Variants in PRKG1 observed in about 807,000 individuals in gnomAD.
PRKG1 encodes the protein protein kinase cGMP-dependent 1.
PRKG1 carries 35 observed loss-of-function variants against 88.1 expected under a neutral mutation model. The ratio of observed to expected loss-of-function variants is 0.40; its 90% CI spans 0.30 to 0.53. The LOEUF (loss-of-function observed/expected upper bound fraction) is 0.53, where lower values mean the gene tolerates loss of function less well. Ranked by LOEUF, PRKG1 falls within the 20% of genes least tolerant of loss-of-function variation. PRKG1 has a pLI of 0.59. For missense variants in PRKG1, 540 were observed against 839.8 expected, an observed-to-expected ratio of 0.64 and a Z score of 4.41; for synonymous variants, 303 against 292.5, an observed-to-expected ratio of 1.04 and a Z score of -0.37.
chr10:51,377,836 T>A (rs1265608568), intron 2 of PRKG1, among the ~76,000 whole-genome samples: 1 of 152,312 alleles, frequency 6.6e-6, no homozygotes, highest in Non-Finnish European at 1.5e-5. Flanking sequence ...TGCTTACACC[T>A]TGCCTCCTTT....
At chr10:52,045,054 T>C (rs974534251) in intron 5 of PRKG1, among the ~76,000 whole-genome samples, 6 of 152,184 alleles carry the variant, frequency 3.9e-5, no homozygotes, top group Non-Finnish European at 7.4e-5. Flanking sequence ...ATTAATTTTC[T>C]AAATTGTTTA....
At chr10:51,172,644 GTATGTATCTATC>G (rs1468953403) in intron 2 of PRKG1, among the ~76,000 whole-genome samples, 12,602 of 118,112 alleles carry the variant, frequency 0.11, 655 homozygotes, top group East Asian at 0.17. Context: ...ATGTATGTAT[GTATGTATCTATC>G]TATCTATCTA....
chr10:51,255,712 C>G (rs527287578), intron 2 of PRKG1, among the ~76,000 whole-genome samples: 1 of 152,182 alleles, frequency 6.6e-6, no homozygotes, highest in African/African-American at 2.4e-5. Context: ...AGCTGAGGCA[C>G]TTTTATTAAA....
At chr10:51,757,528 C>G (rs1412132419) in intron 3 of PRKG1, among the ~76,000 whole-genome samples, 1 of 152,106 alleles carries the variant, frequency 6.6e-6, no homozygotes, top group African/African-American at 2.4e-5. Context: ...GTAATGCTTT[C>G]AATACTAAGG....
At chr10:51,620,983 A>ATGTGTGTGTGTG (rs1314158540) in intron 3 of PRKG1, among the ~76,000 whole-genome samples, 1 of 116,624 alleles carries the variant, frequency 8.6e-6, no homozygotes, top group Non-Finnish European at 1.9e-5. Context: ...CCGTATATGT[A>ATGTGTGTGTGTG]TGTGTGTGTG....
At chr10:51,822,001 T>G (rs912278109) in intron 4 of PRKG1, among the ~76,000 whole-genome samples, 10 of 152,228 alleles carry the variant, frequency 6.6e-5, no homozygotes, top group Non-Finnish European at 1.5e-4. Flanking sequence ...ATATCTGCAC[T>G]CCATATTTAC....
At chr10:51,882,788 C>T (rs1411706825) in intron 4 of PRKG1, among the ~76,000 whole-genome samples, 1 of 152,178 alleles carries the variant, frequency 6.6e-6, no homozygotes, top group Non-Finnish European at 1.5e-5. Flanking sequence ...TGCCAATAGA[C>T]TTCTGGTAGC....
At chr10:51,802,180 A>T (rs1480388530) in intron 3 of PRKG1, among the ~76,000 whole-genome samples, 1 of 152,182 alleles carries the variant, frequency 6.6e-6, no homozygotes, top group Non-Finnish European at 1.5e-5. Flanking sequence ...TATTTTTGAT[A>T]ATAAGTCAAG....
intron 1 of PRKG1, among the ~76,000 whole-genome samples, chr10:51,106,647 A>G (rs1015702513): frequency 6.6e-5 from 10 of 152,206 alleles, no homozygotes; most frequent in Admixed American, 6.5e-4. Context: ...AAAAGTGAGC[A>G]TGAATCCCCA....
chr10:52,063,810 T>C (rs908476177), intron 7 of PRKG1, among the ~76,000 whole-genome samples: 40 of 152,040 alleles, frequency 2.6e-4, no homozygotes, highest in Middle Eastern at 6.8e-3. Flanking sequence ...GTAGCTCCTC[T>C]CTGCAGCTGG....
chr10:52,276,598 C>A (rs550539387), intron 12 of PRKG1, among the ~76,000 whole-genome samples: 4 of 152,192 alleles, frequency 2.6e-5, no homozygotes, highest in African/African-American at 7.2e-5. Flanking sequence ...AACCACCCAT[C>A]CCCAAAGAGG....
intron 2 of PRKG1, among the ~76,000 whole-genome samples, chr10:51,453,608 GTA>G (rs1454885418): frequency 6.6e-6 from 1 of 151,896 alleles, no homozygotes; most frequent in Admixed American, 6.6e-5. Context: ...CCATGTATTT[GTA>G]TAGTTTTGAG....
At chr10:51,418,437 T>C (rs1377790546) in intron 2 of PRKG1, among the ~76,000 whole-genome samples, 1 of 152,196 alleles carries the variant, frequency 6.6e-6, no homozygotes, top group Non-Finnish European at 1.5e-5. Context: ...CATTCATTAC[T>C]ACCCTGTAAC....
intron 5 of PRKG1, among the ~76,000 whole-genome samples, chr10:51,945,702 CCTT>C (rs1394697576): frequency 6.7e-6 from 1 of 149,708 alleles, no homozygotes; most frequent in African/African-American, 2.5e-5. Flanking sequence ...TTTTATTTCT[CCTT>C]CACTTATGAA....
At chr10:51,316,274 T>A (rs2132499269) in intron 2 of PRKG1, among the ~76,000 whole-genome samples, 1 of 152,292 alleles carries the variant, frequency 6.6e-6, no homozygotes, top group East Asian at 1.9e-4. Flanking sequence ...AGTAAAGAAA[T>A]AATTATGATA....
At chr10:51,388,631 A>G (rs537226882) in intron 2 of PRKG1, among the ~76,000 whole-genome samples, 39 of 152,334 alleles carry the variant, frequency 2.6e-4, no homozygotes, top group Non-Finnish European at 3.2e-4. Context: ...TGTCTTTCCA[A>G]TTAAATTCTC....
intron 9 of PRKG1, among the ~76,000 whole-genome samples, chr10:52,247,186 T>A (rs1841046975): frequency 6.6e-6 from 1 of 152,108 alleles, no homozygotes; most frequent in Non-Finnish European, 1.5e-5. Flanking sequence ...CAATAATAAT[T>A]TTTTTAAAAA....
chr10:51,350,679 TAA>T (rs1842221035), intron 2 of PRKG1, among the ~76,000 whole-genome samples: 1 of 152,186 alleles, frequency 6.6e-6, no homozygotes, highest in South Asian at 2.1e-4. Context: ...TGGAAAAACC[TAA>T]AGACTCTACA....
intron 3 of PRKG1, among the ~76,000 whole-genome samples, chr10:51,609,067 AGTTT>A (rs1303254025): frequency 6.6e-6 from 1 of 151,952 alleles, no homozygotes; most frequent in African/African-American, 2.4e-5. Flanking sequence ...AGCTAAGGTT[AGTTT>A]ATTATTTTTT....
Sources: gnomAD v4.1 joint callset for allele counts (sites outside exome capture counted in the v4.1 genomes callset) on GRCh38, gnomAD v4.1.1 for gene constraint, MANE v1.5 for transcripts, NCBI Gene and HGNC (gene_info 2026-07-23, HGNC 2026-07-21) for gene names.